The following SEMA3E variants were observed in gnomAD, a reference collection of about 807,000 sequenced individuals.
The protein encoded by SEMA3E is semaphorin 3E, also known as semaphorin-3E.
SEMA3E carries 49 observed loss-of-function variants against 93.6 expected under a neutral mutation model. That is an observed-to-expected ratio of 0.52 (90% CI 0.42 to 0.66). The LOEUF (loss-of-function observed/expected upper bound fraction) is 0.66. Among genes scored for constraint, SEMA3E ranks in the 30% least tolerant of loss-of-function variants. SEMA3E has a pLI of 0.00. For missense variants in SEMA3E, 906 were observed against 964.8 expected, an observed-to-expected ratio of 0.94 and a Z score of 0.81; for synonymous variants, 363 against 330.7, an observed-to-expected ratio of 1.10 and a Z score of -1.06.
intron 1 of SEMA3E, among the ~76,000 whole-genome samples, chr7:83,524,023 T>A (rs1194679714): frequency 5.9e-5 from 9 of 152,168 alleles, no homozygotes; most frequent in Admixed American, 1.3e-4. Flanking sequence ...CTCAATCAAA[T>A]GCTTATGTAT....
At chr7:83,523,954 T>A (rs1018159321) in intron 1 of SEMA3E, among the ~76,000 whole-genome samples, 5 of 152,146 alleles carry the variant, frequency 3.3e-5, no homozygotes, top group African/African-American at 9.7e-5. Flanking sequence ...ACGTTTCTTT[T>A]GAGAAAATGC....
chr7:83,492,805 A>G (rs1260054294), intron 1 of SEMA3E, among the ~76,000 whole-genome samples: 1 of 151,992 alleles, frequency 6.6e-6, no homozygotes, highest in African/African-American at 2.4e-5. Flanking sequence ...AATGTATTTT[A>G]TTTTACTGGA....
intron 4 of SEMA3E, among the ~76,000 whole-genome samples, chr7:83,422,021 T>C (rs1335671709): frequency 1.3e-5 from 2 of 151,940 alleles, no homozygotes; most frequent in Non-Finnish European, 2.9e-5. Flanking sequence ...CTACTAAAAA[T>C]ACAAAATTAG....
At chr7:83,531,676 C>T (rs1791305337) in intron 1 of SEMA3E, among the ~76,000 whole-genome samples, 1 of 152,102 alleles carries the variant, frequency 6.6e-6, no homozygotes, top group Non-Finnish European at 1.5e-5. Flanking sequence ...TTAATAGAGA[C>T]ATCTTCAAAT....
chr7:83,509,906 A>G (rs912310332), intron 1 of SEMA3E, among the ~76,000 whole-genome samples: 1 of 152,174 alleles, frequency 6.6e-6, no homozygotes, highest in Non-Finnish European at 1.5e-5. Flanking sequence ...ATCAGTCACA[A>G]AGAATTGCCA....
At chr7:83,416,814 T>C (rs1227336545) in intron 5 of SEMA3E, among the ~76,000 whole-genome samples, 1 of 151,878 alleles carries the variant, frequency 6.6e-6, no homozygotes, top group Non-Finnish European at 1.5e-5. Flanking sequence ...GACTATGAGA[T>C]ACATAAATTT....
chr7:83,429,334 G>A (rs369819074), intron 4 of SEMA3E, among the ~76,000 whole-genome samples: 20 of 152,030 alleles, frequency 1.3e-4, no homozygotes, highest in South Asian at 1.0e-3. Context: ...TAATTATTAC[G>A]TCAGGATTCC....
intron 1 of SEMA3E, among the ~76,000 whole-genome samples, chr7:83,500,729 A>AT (rs939350409): frequency 6.6e-6 from 1 of 150,530 alleles, no homozygotes; most frequent in Non-Finnish European, 1.5e-5. Context: ...AGTAGCTGGG[A>AT]TTATAGGCAT....
At chr7:83,459,960 A>C (rs1245131025) in intron 4 of SEMA3E, among the ~76,000 whole-genome samples, 1 of 152,020 alleles carries the variant, frequency 6.6e-6, no homozygotes, top group Admixed American at 6.6e-5. Flanking sequence ...TTTGACTGGA[A>C]TTTTCCTTTA....
intron 1 of SEMA3E, among the ~76,000 whole-genome samples, chr7:83,573,800 A>G (rs902365636): frequency 2.0e-4 from 30 of 151,956 alleles, no homozygotes; most frequent in African/African-American, 7.0e-4. Context: ...CTTATTATAT[A>G]TCAGATACTA....
intron 1 of SEMA3E, among the ~76,000 whole-genome samples, chr7:83,512,220 G>A (rs754709816): frequency 1.3e-5 from 2 of 152,094 alleles, no homozygotes; most frequent in Non-Finnish European, 2.9e-5. Flanking sequence ...AAGTGTGCTT[G>A]CTTGTTAAAA....
intron 1 of SEMA3E, among the ~76,000 whole-genome samples, chr7:83,608,027 A>G (rs2115569741): frequency 6.6e-6 from 1 of 152,178 alleles, no homozygotes; most frequent in African/African-American, 2.4e-5. Context: ...CCTGGCCAAC[A>G]TGGTGAAACC....
chr7:83,583,979 G>A (rs1014653751), intron 1 of SEMA3E, among the ~76,000 whole-genome samples: 7 of 152,058 alleles, frequency 4.6e-5, no homozygotes, highest in African/African-American at 9.7e-5. Flanking sequence ...TGTGTACAAA[G>A]AGGGACTAGA....
At chr7:83,510,131 T>C (rs752545980) in intron 1 of SEMA3E, among the ~76,000 whole-genome samples, 1 of 152,306 alleles carries the variant, frequency 6.6e-6, no homozygotes, top group Middle Eastern at 3.4e-3. Context: ...TTTTTTGGAA[T>C]GGCCATCAAA....
chr7:83,555,844 C>T (rs1456633265), intron 1 of SEMA3E, among the ~76,000 whole-genome samples: 1 of 152,130 alleles, frequency 6.6e-6, no homozygotes, highest in African/African-American at 2.4e-5. Flanking sequence ...ATTATCCTCT[C>T]ATCCATGGAC....
rs1211620562 is a variant in SEMA3E, at chr7:83,406,197, A to C, written c.814-138T>G. ...GAAAATTTGGCATAATTCTCAAGTAATGTCATAGGTGCAACTCCCCATAAT... is the reference window on the plus strand; with the variant it reads ...GAAAATTTGGCATAATTCTCAAGTACTGTCATAGGTGCAACTCCCCATAAT... On this transcript the variant is annotated intron_variant, in intron 7 of 16. Transcript: ENST00000643230. 4.2e-6 allele frequency: 3 copies of C among 708,346 alleles called. No individual in the cohort carries two copies. The Admixed American group carries it at 6.2e-5, about 15-fold the overall frequency. 43.9% of individuals were successfully genotyped at this position (708,346 alleles called of 1,614,324 possible).
At chr7:83,482,319 C>G (rs1790160850) in intron 2 of SEMA3E, among the ~76,000 whole-genome samples, 1 of 152,094 alleles carries the variant, frequency 6.6e-6, no homozygotes, top group African/African-American at 2.4e-5. Flanking sequence ...GTAATCCCGG[C>G]ACTTTGGGAG....
At chr7:83,567,980 T>C (rs1443279654) in intron 1 of SEMA3E, among the ~76,000 whole-genome samples, 1 of 151,794 alleles carries the variant, frequency 6.6e-6, no homozygotes, top group East Asian at 1.9e-4. Context: ...ATAAACAAAA[T>C]TGATAAACTG....
intron 1 of SEMA3E, among the ~76,000 whole-genome samples, chr7:83,580,917 G>T (rs1792506641): frequency 6.6e-6 from 1 of 151,834 alleles, no homozygotes; most frequent in African/African-American, 2.4e-5. Context: ...TGAATTCTGT[G>T]TCAAAAATGA....
Sources: allele counts gnomAD v4.1 joint callset (sites outside exome capture counted in the v4.1 genomes callset), GRCh38; gene constraint gnomAD v4.1.1; transcripts MANE v1.5; gene names NCBI Gene and HGNC (gene_info 2026-07-23, HGNC 2026-07-21).